APRT: variants seen among roughly 807,000 people sequenced by gnomAD.
APRT encodes the protein adenine phosphoribosyltransferase.
Under a neutral mutation model 21.0 loss-of-function variants are expected in APRT, and 25 were observed. The ratio of observed to expected loss-of-function variants is 1.19; its 90% confidence interval spans 0.87 to 1.66. The LOEUF is 1.66. Among genes scored for constraint, APRT ranks in the 40% most tolerant of loss-of-function variants. APRT has a pLI of 0.00. For missense variants in APRT, 294 were observed against 232.7 expected, an observed-to-expected ratio of 1.26 and a Z score of -1.72; for synonymous variants, 153 against 109.0, an observed-to-expected ratio of 1.40 and a Z score of -2.52.
chr16:88,809,630 C>T lies in APRT; in HGVS notation c.*68G>A. ...TGTGGGCAGCCGGTGCCCCTGGTCA[C>T]TGCAGTTGCCCAAGGCTGATATTTC... On this transcript the variant is annotated 3_prime_UTR_variant, in exon 5 of 5. Coordinates refer to ENST00000378364, the MANE Select transcript of APRT (RefSeq NM_000485.3). 2.5e-6 allele frequency: 4 copies of T among 1,607,280 alleles called. No individual in the cohort carries two copies. Among genetic ancestry groups the T allele is most frequent in the Non-Finnish European group, 3.4e-6 (4 of 1,175,574 alleles).
chr16:88,810,507 A>G lies in APRT; in HGVS notation c.237T>C (p.Leu79=), dbSNP rs571299240. The G allele has an allele frequency of 4.3e-6, 7 of 1,612,316 alleles. No individual in the cohort carries two copies. The East Asian group carries it at 6.7e-5, about 15-fold the overall frequency. Residue 79 remains leucine (L), a synonymous_variant, in exon 3 of 5, where the codon CTT becomes CTC. Transcript: ENST00000378364. ...FLFGPSLAQE[L]GLGCVLIRKR... The stretch of plus-strand genomic sequence containing the variant: ...TTCGGATGAGCACGCAGCCCAGTCC[A>G]AGCTCCTGGGCCAGGGAGGGGCCAA...
At position 88,810,408 on chromosome 16, in the gene APRT, C is replaced by T. The variant is rs752084206; in HGVS notation, c.321+15G>A. ...CCTGGCCCTGCCCTTCCTCTGGCCA[C>T]CCCAGCCCTCTTACCTTCCCGTACT... is the stretch of plus-strand genomic sequence containing the variant. On this transcript the variant is annotated intron_variant, in intron 3 of 4. Transcript: ENST00000378364. The T allele has an allele frequency of 1.1e-5, 18 of 1,610,870 alleles. No homozygotes were observed. In the African/African-American group the frequency reaches 1.5e-4, roughly 13 times the overall value.
intron 2 of APRT, 117 bp from the exon 3 acceptor site, chr16:88,810,673 AT>A: frequency 7.5e-7 from 1 of 1,332,790 alleles, no homozygotes; most frequent in Non-Finnish European, 1.0e-6. Context: ...GACATGCACC[AT>A]TTAAGGAATG....
At position 88,811,909 on chromosome 16, in the gene APRT, C is replaced by A. The variant is rs748455830; in HGVS notation, c.-10G>T. The A allele has an allele frequency of 4.5e-6, 7 of 1,544,378 alleles. No homozygotes were observed. The highest frequency in any genetic ancestry group is 6.1e-6 in the Non-Finnish European group (7 of 1,147,706). On this transcript the variant is annotated 5_prime_UTR_variant, in exon 1 of 5. Coordinates refer to ENST00000378364, the MANE Select transcript of APRT (RefSeq NM_000485.3). ...GCTCGGAGTCGGCCATGGCCGCGTG[C>A]GAAGAGCCAGCGGCAGCCCGAGCGC...
rs1567504885 is a variant in APRT at position 88,810,442 on chromosome 16, T to C, written c.302A>G (p.Tyr101Cys). 1 of 1,612,166 alleles carries C rather than the reference T, an allele frequency of 6.2e-7. No homozygotes were observed. Among genetic ancestry groups the C allele is most frequent in the Admixed American group, 1.7e-5 (1 of 60,018 alleles). ...KLPGPTLWAS[Y>C]SLEYGKAELE... ...TCTTACCTTCCCGTACTCCAGGGAA[T>C]AGGAGGCCCACAGAGTGGGGCCTGG... The change falls in exon 3 of 5, where the codon TAT (tyrosine) becomes TGT (cysteine). Residue 101 changes from tyrosine to cysteine, a missense_variant. Coordinates refer to ENST00000378364, the MANE Select transcript of APRT (RefSeq NM_000485.3).
chr16:88,810,185 G>C, intron 3 of APRT, 37 bp from the exon 4 acceptor site: 1 of 1,600,190 alleles, frequency 6.2e-7, no homozygotes, highest in Non-Finnish European at 8.5e-7. Flanking sequence ...TCAGCCTCCC[G>C]CAGAAAACAG....
intron 2 of APRT, among the ~76,000 whole-genome samples, chr16:88,810,881 T>G (rs1284525760): frequency 3.3e-5 from 5 of 152,096 alleles, no homozygotes; most frequent in Non-Finnish European, 7.4e-5. Context: ...GCACCAGGGC[T>G]TCTGTCTAAA....
At chr16:88,811,317 C>A (rs769747553) in intron 2 of APRT, 1 of 571,134 alleles carries the variant, frequency 1.8e-6, no homozygotes, top group South Asian at 2.1e-5. Flanking sequence ...GCAACTCGGT[C>A]ACGCCTGTCC....
intron 2 of APRT, chr16:88,811,184 T>G: frequency 2.2e-6 from 1 of 451,240 alleles, no homozygotes; most frequent in Non-Finnish European, 3.9e-6. Context: ...CATTCCGTGA[T>G]CTTCACCAGG....
At chr16:88,810,021 C>T in intron 4 of APRT, 49 bp downstream of exon 4, 1 of 1,602,194 alleles carries the variant, frequency 6.2e-7, no homozygotes, top group Non-Finnish European at 8.5e-7. Flanking sequence ...CTGTCCCACT[C>T]CCACCAGGCC....
intron 1 of APRT, 49 bp downstream of exon 1, chr16:88,811,771 T>G: frequency 6.6e-7 from 1 of 1,523,192 alleles, no homozygotes; most frequent in Non-Finnish European, 8.8e-7. Flanking sequence ...CGCGCTCCCA[T>G]CCGTAGGCCC....
rs768268700 is a variant in APRT at position 88,811,562 on chromosome 16, C to T, written c.175G>A (p.Asp59Asn). ...ACTGGGCACTCGCCTGCGATGTAGT[C>T]GATGCGGCCCCCGTGGGTCGCCTTC... The part of the protein sequence containing the change: ...HLKATHGGRI[D>N]YIAGLDSRGF... Residue 59 changes from aspartate (D) to asparagine (N), a missense_variant, in exon 2 of 5, where the codon GAC (aspartate) becomes AAC (asparagine). Physicochemically the swap from Asp to Asn is conservative, Grantham distance 23 (BLOSUM62 1). Coordinates refer to ENST00000378364, the MANE Select transcript of APRT (RefSeq NM_000485.3). 77 of 1,597,232 alleles carry T rather than the reference C, an allele frequency of 4.8e-5. No homozygotes were observed. The highest frequency in any genetic ancestry group is 1.5e-4 in the South Asian group (13 of 88,562).
Position 88,809,349 on chromosome 16 carries a change from G to A in APRT, c.*349C>T, listed in dbSNP as rs1182168679. ...CCTGGAGGGTTCTAGCTCCTGAGGT[G>A]AGAACCAGGACAGGTTCTGCTGGGC... On this transcript the variant is annotated 3_prime_UTR_variant, in exon 5 of 5. Transcript: ENST00000378364. 1 of 462,308 alleles carries A rather than the reference G, an allele frequency of 2.2e-6. No homozygotes were observed. 28.6% of individuals were successfully genotyped at this position (462,308 alleles called of 1,614,324 possible). A position where few individuals can be genotyped will look rare whatever the true frequency, so the allele number is the denominator to read the frequency against.
chr16:88,810,326 C>T, intron 3 of APRT, 97 bp downstream of exon 3: 1 of 1,561,676 alleles, frequency 6.4e-7, no homozygotes, highest in South Asian at 1.1e-5. Flanking sequence ...ACCACAGCAG[C>T]TCCACTTGAC....
intron 2 of APRT, among the ~76,000 whole-genome samples, chr16:88,810,914 T>C (rs1253212972): frequency 6.6e-6 from 1 of 152,102 alleles, no homozygotes; most frequent in Non-Finnish European, 1.5e-5. Flanking sequence ...CGAGGTGGCC[T>C]GAGCTGTGAT....
rs202098006 is a variant in APRT, at chr16:88,810,429, G to A, written c.315C>T (p.Tyr105=). 23 of 1,611,786 alleles carry A rather than the reference G, an allele frequency of 1.4e-5. No homozygotes were observed. The highest frequency in any genetic ancestry group is 6.7e-5 in the East Asian group (3 of 44,896). Reference sequence around the variant, plus strand: ...GCCACCCCAGCCCTCTTACCTTCCCGTACTCCAGGGAATAGGAGGCCCACA... The same window carrying A: ...GCCACCCCAGCCCTCTTACCTTCCCATACTCCAGGGAATAGGAGGCCCACA... The part of the protein sequence containing the change: ...PTLWASYSLE[Y]GKAELEIQKD... Residue 105 remains tyrosine, a synonymous_variant, in exon 3 of 5, where the codon TAC becomes TAT. Coordinates refer to ENST00000378364, the MANE Select transcript of APRT (RefSeq NM_000485.3).
At position 88,810,188 on chromosome 16, in the gene APRT, G is replaced by A. The variant is rs116389635; in HGVS notation, c.322-40C>T. The stretch of plus-strand genomic sequence containing the variant: ...GGTGTGTGGTCCTCAGCCTCCCGCA[G>A]AAAACAGCTTTGTTGCACAGCTTGG... On this transcript the variant is annotated intron_variant, in intron 3 of 4. Transcript: ENST00000378364. The A allele has an allele frequency of 1.1e-3, 1,785 of 1,602,280 alleles. 20 individuals carry two copies. The African/African-American group carries it at 0.021, about 19-fold the overall frequency.
Position 88,810,528 on chromosome 16 carries a change from G to A in APRT, c.216C>T (p.Gly72=). The change falls in exon 3 of 5, where the codon GGC becomes GGT. Residue 72 remains glycine, a synonymous_variant. Transcript: ENST00000378364. ...AGLDSRGFLF[G]PSLAQELGLG... is the part of the protein sequence containing the mutation. Reference sequence around the variant, plus strand: ...GTCCAAGCTCCTGGGCCAGGGAGGGGCCAAAGAGGAAGCCTCGGGAGTCTA... The same window carrying A: ...GTCCAAGCTCCTGGGCCAGGGAGGGACCAAAGAGGAAGCCTCGGGAGTCTA... The A allele has an allele frequency of 6.2e-7, 1 of 1,612,050 alleles. No homozygotes were observed. Among genetic ancestry groups the A allele is most frequent in the African/African-American group, 1.3e-5 (1 of 75,048 alleles).
Position 88,809,786 on chromosome 16 carries a change from T to A in APRT, c.455A>T (p.Glu152Val). 6.2e-7 allele frequency: 1 copy of A among 1,613,184 alleles called. No homozygotes were observed. The highest frequency in any genetic ancestry group is 1.3e-5 in the African/African-American group (1 of 75,030). Residue 152 changes from glutamate (E) to valine (V), a missense_variant, in exon 5 of 5, where the codon GAG becomes GTG. Physicochemically the swap from Glu to Val is moderately radical, Grantham distance 121. Transcript: ENST00000378364. ...LLGRLQAEVL[E>V]CVSLVELTSL... Reference sequence around the variant, plus strand: ...GGTCAGCTCCACCAGGCTCACGCACTCCAGGACCTCAGCCTGCAGGCGGCC... The same window carrying A: ...GGTCAGCTCCACCAGGCTCACGCACACCAGGACCTCAGCCTGCAGGCGGCC...
Sources: gnomAD v4.1 joint callset for allele counts (sites outside exome capture counted in the v4.1 genomes callset) on GRCh38, gnomAD v4.1.1 for gene constraint, MANE v1.5 for transcripts, NCBI Gene and HGNC (gene_info 2026-07-23, HGNC 2026-07-21) for gene names.